The following TRAF1 variants were observed in gnomAD, a reference collection of about 807,000 sequenced individuals.
The protein encoded by TRAF1 is TNF receptor-associated factor 1.
Under a neutral mutation model 40.9 loss-of-function variants are expected in TRAF1, and 23 were observed. The ratio of observed to expected loss-of-function variants is 0.56; its 90% CI spans 0.40 to 0.80. The LOEUF (loss-of-function observed/expected upper bound fraction) is 0.80, where lower values mean the gene tolerates loss of function less well. TRAF1 is among the 30% of genes least tolerant of loss of function. The pLI, the probability that TRAF1 is intolerant of heterozygous loss-of-function variation, is 0.00. For synonymous variants in TRAF1, 206 were observed against 218.8 expected, an observed-to-expected ratio of 0.94 and a Z score of 0.52; for missense variants, 477 against 528.7, an observed-to-expected ratio of 0.90 and a Z score of 0.96.
rs1008143166 is a variant in TRAF1, at chr9:120,904,939, C to T, written c.*81G>A. The T allele has an allele frequency of 1.6e-5, 23 of 1,401,452 alleles. No individual in the cohort carries two copies. In the African/African-American group the frequency reaches 3.0e-4, roughly 18 times the overall value. 86.8% of individuals were successfully genotyped at this position (1,401,452 alleles called of 1,614,324 possible). ...TTCACCCATCTTTGTGCCCTGAGGT[C>T]TTGGGTGCCAAGGGCAGGGCATCAC... On this transcript the variant is annotated 3_prime_UTR_variant, in exon 8 of 8. Transcript: ENST00000373887.
chr9:120,919,790 A>G (rs1423104222), intron 3 of TRAF1, among the ~76,000 whole-genome samples: 3 of 151,914 alleles, frequency 2.0e-5, no homozygotes, highest in African/African-American at 7.3e-5. Context: ...TTCCCATAGC[A>G]CTTGGTGGAC....
intron 4 of TRAF1, 84 bp downstream of exon 4, chr9:120,914,151 A>G: frequency 8.2e-7 from 1 of 1,225,352 alleles, no homozygotes; most frequent in Non-Finnish European, 1.1e-6. Context: ...TGTTACGGGA[A>G]AATCATGGAG....
intron 4 of TRAF1, 103 bp from the exon 5 acceptor site, chr9:120,913,841 C>G: frequency 7.4e-7 from 1 of 1,358,738 alleles, no homozygotes; most frequent in Non-Finnish European, 9.9e-7. Flanking sequence ...TATTCATTCA[C>G]CCAGCAAAAA....
At chr9:120,924,755 G>C (rs2046627667) in intron 2 of TRAF1, among the ~76,000 whole-genome samples, 1 of 152,180 alleles carries the variant, frequency 6.6e-6, no homozygotes, top group Non-Finnish European at 1.5e-5. Context: ...TCTCTGACCT[G>C]CTACCGCTAC....
chr9:120,906,891 C>T (rs980040099), intron 7 of TRAF1, among the ~76,000 whole-genome samples: 1 of 152,088 alleles, frequency 6.6e-6, no homozygotes, highest in Admixed American at 6.5e-5. Context: ...TGTTTTGAGA[C>T]CAAGTCTCAC....
intron 3 of TRAF1, among the ~76,000 whole-genome samples, chr9:120,915,098 C>A (rs182988590): frequency 2.0e-5 from 3 of 152,172 alleles, no homozygotes; most frequent in Admixed American, 6.5e-5. Flanking sequence ...ACATCACTAC[C>A]TCTTAACAGG....
chr9:120,921,255 C>G (rs911124459), intron 3 of TRAF1, among the ~76,000 whole-genome samples: 2 of 152,136 alleles, frequency 1.3e-5, no homozygotes, highest in African/African-American at 4.8e-5. Context: ...AAGTTTCAAA[C>G]TGTGCTCTGC....
At chr9:120,917,443 C>A (rs1000269439) in intron 3 of TRAF1, among the ~76,000 whole-genome samples, 1 of 152,146 alleles carries the variant, frequency 6.6e-6, no homozygotes, top group African/African-American at 2.4e-5. Flanking sequence ...AATAATAATA[C>A]CCCCTTACAG....
In TRAF1 at chr9:120,926,220, A is replaced by G; in HGVS notation, c.-145T>C. ...TTCTTCTCTCTGGCTTGTGTGGTTC[A>G]ACGTCACAGCTGAGTCACAGCAGGG... is the stretch of plus-strand genomic sequence containing the variant. On this transcript the variant is annotated 5_prime_UTR_variant, in exon 2 of 8. Transcript: ENST00000373887. The G allele has an allele frequency of 1.1e-6, 1 of 891,268 alleles. No individual in the cohort carries two copies. Among genetic ancestry groups the G allele is most frequent in the South Asian group, 2.2e-5 (1 of 46,388 alleles). The allele number at this position is 891,268 out of a possible 1,614,324, so 55.2% of individuals were successfully genotyped here.
chr9:120,910,460 G>A (rs1194343763), intron 6 of TRAF1, among the ~76,000 whole-genome samples: 1 of 152,112 alleles, frequency 6.6e-6, no homozygotes, highest in Non-Finnish European at 1.5e-5. Flanking sequence ...GAGTTCAGTG[G>A]CACCATCATA....
Position 120,921,126 on chromosome 9 carries a change from G to T in TRAF1, c.228+2579C>A, listed in dbSNP as rs564977117. Reference sequence around the variant, plus strand: ...GCTGATGCCTCTCAGAGGTCTGCCCGCATTAAAGAAGGCTTCTTTGCTCCC... The same window carrying T: ...GCTGATGCCTCTCAGAGGTCTGCCCTCATTAAAGAAGGCTTCTTTGCTCCC... On this transcript the variant is annotated intron_variant, in intron 3 of 7. Transcript: ENST00000373887. Among the ~76,000 whole-genome samples, 524 of 152,240 alleles carry T rather than the reference G, an allele frequency of 3.4e-3. 1 individual carries two copies. Among genetic ancestry groups the T allele is most frequent in the South Asian group, 6.2e-3 (30 of 4,822 alleles).
chr9:120,912,699 C>CT (rs1219279284), intron 5 of TRAF1, among the ~76,000 whole-genome samples: 2 of 145,540 alleles, frequency 1.4e-5, no homozygotes, highest in Non-Finnish European at 3.1e-5. Context: ...AGTATAAGCT[C>CT]TAGAATAAGG....
chr9:120,921,493 A>T (rs1232079583), intron 3 of TRAF1, among the ~76,000 whole-genome samples: 1 of 152,130 alleles, frequency 6.6e-6, no homozygotes, highest in East Asian at 1.9e-4. Context: ...AGAATAAAAC[A>T]AGCTAAAAAC....
chr9:120,911,552 G>C, intron 5 of TRAF1, 39 bp from the exon 6 acceptor site: 1 of 1,590,196 alleles, frequency 6.3e-7, no homozygotes, highest in Non-Finnish European at 8.6e-7. Flanking sequence ...ACCAGAACCC[G>C]GCTTGGGGAT....
chr9:120,911,599 C>T (rs943956688), intron 5 of TRAF1, 86 bp from the exon 6 acceptor site: 11 of 1,497,286 alleles, frequency 7.3e-6, no homozygotes, highest in African/African-American at 1.4e-5. Flanking sequence ...TTGATCTGCC[C>T]CAGATGTGTT....
chr9:120,925,977 G>C lies in TRAF1; in HGVS notation c.99C>G (p.Pro33=). Reference sequence around the variant, plus strand: ...GACAGCCTGCACAGCAGAGAGCCCTGGGCTCCTTTGGGTCCTGGCAGACGG... The same window carrying C: ...GACAGCCTGCACAGCAGAGAGCCCTCGGCTCCTTTGGGTCCTGGCAGACGG... ...PPTVCQDPKE[P]RALCCAGCLS... The change falls in exon 2 of 8, where the codon CCC becomes CCG. Residue 33 remains proline (P), a synonymous_variant. Coordinates refer to ENST00000373887, the MANE Select transcript of TRAF1 (RefSeq NM_005658.5). 1 of 1,613,784 alleles carries C rather than the reference G, an allele frequency of 6.2e-7. No individual in the cohort carries two copies.
chr9:120,923,119 A>T (rs767508946), intron 3 of TRAF1, among the ~76,000 whole-genome samples: 1 of 152,186 alleles, frequency 6.6e-6, no homozygotes, highest in Non-Finnish European at 1.5e-5. Flanking sequence ...AATTACAGGC[A>T]TGTAATTCTA....
At chr9:120,923,837 C>T (rs1158519035) in intron 2 of TRAF1, 45 bp from the exon 3 acceptor site, 5 of 1,545,160 alleles carry the variant, frequency 3.2e-6, no homozygotes, top group African/African-American at 2.7e-5. Flanking sequence ...ACTACAGCTC[C>T]CTGCACCATC....
At chr9:120,905,337 G>A (rs756345357) in intron 7 of TRAF1, 99 bp from the exon 8 acceptor site, 13 of 1,261,126 alleles carry the variant, frequency 1.0e-5, no homozygotes, top group Non-Finnish European at 1.3e-5. Context: ...CCTACTGCCT[G>A]TGCAGCCCCT....
Sources: gnomAD v4.1 joint callset for allele counts (sites outside exome capture counted in the v4.1 genomes callset) on GRCh38, gnomAD v4.1.1 for gene constraint, MANE v1.5 for transcripts, NCBI Gene and HGNC (gene_info 2026-07-23, HGNC 2026-07-21) for gene names.